The following ADGRB3 variants were observed in gnomAD, a reference collection of about 807,000 sequenced individuals.
ADGRB3 encodes brain-specific angiogenesis inhibitor 3.
ADGRB3 carries 37 observed loss-of-function variants against 193.4 expected under a neutral mutation model. That is an observed-to-expected ratio of 0.19 (90% CI 0.15 to 0.25). The LOEUF (loss-of-function observed/expected upper bound fraction) is 0.25, where lower values mean the gene tolerates loss of function less well. Among genes scored for constraint, ADGRB3 ranks in the 10% least tolerant of loss-of-function variants. ADGRB3 has a pLI of 1.00. For synonymous variants in ADGRB3, 690 were observed against 644.2 expected (o/e 1.07, Z -1.08); for missense variants, 1,637 against 1,852.9 (o/e 0.88, Z 2.14).
intron 3 of ADGRB3, among the ~76,000 whole-genome samples, chr6:68,796,244 CTG>C (rs1184613421): frequency 5.3e-5 from 8 of 151,996 alleles, no homozygotes; most frequent in Non-Finnish European, 5.9e-5. Context: ...GTATTCCATT[CTG>C]TGTTTTACCA....
intron 17 of ADGRB3, among the ~76,000 whole-genome samples, chr6:69,177,015 T>G (rs1329385683): frequency 6.6e-6 from 1 of 152,218 alleles, no homozygotes; most frequent in African/African-American, 2.4e-5. Context: ...TTAGATATTC[T>G]CTCTTTCTTT....
chr6:69,246,819 G>A (rs1766507829), intron 20 of ADGRB3, among the ~76,000 whole-genome samples: 1 of 152,178 alleles, frequency 6.6e-6, no homozygotes, highest in African/African-American at 2.4e-5. Flanking sequence ...CAACTTCAAA[G>A]CCGATCAAAA....
chr6:68,741,418 C>T (rs996323687), intron 3 of ADGRB3, among the ~76,000 whole-genome samples: 1 of 151,988 alleles, frequency 6.6e-6, no homozygotes, highest in Non-Finnish European at 1.5e-5. Flanking sequence ...GGCTCTGTTG[C>T]CCAGGCTGGA....
Position 69,382,912 on chromosome 6 carries a change from G to T in ADGRB3, c.4357G>T (p.Asp1453Tyr). The part of the protein sequence containing the change: ...QKFQTLDRFR[D>Y]IPNTSSMENP... ...ATTTCAAACTTTGGACAGATTTCGG[G>T]ATATACCAAATACAAGCAGTATGGT... Residue 1453 changes from aspartate (D) to tyrosine (Y), a missense_variant, in exon 31 of 32, where the codon GAT becomes TAT. By Grantham distance (160) the Asp-to-Tyr change is radical (BLOSUM62 -3). This residue lies in a region of ADGRB3 where 368 missense variants were observed against 367.4 expected (regional missense o/e 1.00). Coordinates refer to ENST00000370598, the MANE Select transcript of ADGRB3 (RefSeq NM_001704.3). The T allele has an allele frequency of 6.2e-7, 1 of 1,606,662 alleles. No individual in the cohort carries two copies. The highest frequency in any genetic ancestry group is 8.5e-7 in the Non-Finnish European group (1 of 1,175,290).
chr6:68,836,550 G>A (rs1186150080), intron 3 of ADGRB3, among the ~76,000 whole-genome samples: 1 of 152,120 alleles, frequency 6.6e-6, no homozygotes, highest in Non-Finnish European at 1.5e-5. Context: ...TTCAAATGTG[G>A]TCAGTGCCCT....
chr6:68,993,749 G>A lies in ADGRB3; in HGVS notation c.1735-19G>A. On this transcript the variant is annotated intron_variant, in intron 10 of 31. Coordinates refer to ENST00000370598, the MANE Select transcript of ADGRB3 (RefSeq NM_001704.3). Reference sequence around the variant, plus strand: ...TAATGAAGATTCTGATGTTTGCTCTGTTCTTTTGACCATCACAGATTAAAG... The same window carrying A: ...TAATGAAGATTCTGATGTTTGCTCTATTCTTTTGACCATCACAGATTAAAG... The A allele has an allele frequency of 6.2e-7, 1 of 1,604,916 alleles. No individual in the cohort carries two copies. The highest frequency in any genetic ancestry group is 8.5e-7 in the Non-Finnish European group (1 of 1,174,258).
At chr6:69,204,414 G>A (rs1765493765) in intron 17 of ADGRB3, among the ~76,000 whole-genome samples, 1 of 152,098 alleles carries the variant, frequency 6.6e-6, no homozygotes, top group African/African-American at 2.4e-5. Flanking sequence ...TGGCAATTGA[G>A]TGTCTTCAGT....
intron 3 of ADGRB3, among the ~76,000 whole-genome samples, chr6:68,843,747 G>A (rs1251438040): frequency 6.6e-6 from 1 of 151,898 alleles, no homozygotes; most frequent in Non-Finnish European, 1.5e-5. Context: ...AAAACTGGAG[G>A]AATCACATTA....
intron 17 of ADGRB3, among the ~76,000 whole-genome samples, chr6:69,117,358 T>C (rs1354148250): frequency 6.6e-6 from 1 of 152,194 alleles, no homozygotes; most frequent in East Asian, 1.9e-4. Flanking sequence ...AAAAGTATAA[T>C]CCACTGATAA....
chr6:68,954,077 C>T (rs1186992276), intron 6 of ADGRB3, among the ~76,000 whole-genome samples: 1 of 152,114 alleles, frequency 6.6e-6, no homozygotes, highest in East Asian at 1.9e-4. Context: ...TGGGATTGTG[C>T]CTTTGTCAAT....
chr6:69,242,068 A>C (rs1766395635), intron 20 of ADGRB3, among the ~76,000 whole-genome samples: 1 of 151,890 alleles, frequency 6.6e-6, no homozygotes, highest in African/African-American at 2.4e-5. Flanking sequence ...GTGTTTTATT[A>C]GTTGAATTAG....
intron 17 of ADGRB3, among the ~76,000 whole-genome samples, chr6:69,173,613 A>C (rs1775346254): frequency 6.6e-6 from 1 of 152,146 alleles, no homozygotes; most frequent in African/African-American, 2.4e-5. Flanking sequence ...GGGTAAATGG[A>C]AAGGATATTA....
intron 3 of ADGRB3, among the ~76,000 whole-genome samples, chr6:68,645,486 C>T (rs1223820461): frequency 6.6e-6 from 1 of 152,034 alleles, no homozygotes; most frequent in Non-Finnish European, 1.5e-5. Context: ...AAATGAGAAG[C>T]ATGATTTGGT....
intron 17 of ADGRB3, among the ~76,000 whole-genome samples, chr6:69,103,811 A>G (rs1258885965): frequency 1.3e-5 from 2 of 150,394 alleles, no homozygotes; most frequent in East Asian, 1.9e-4. Flanking sequence ...ATAAAGTCAC[A>G]TATATTAAGA....
At chr6:68,828,082 G>A (rs1009717792) in intron 3 of ADGRB3, among the ~76,000 whole-genome samples, 5 of 152,130 alleles carry the variant, frequency 3.3e-5, no homozygotes, top group East Asian at 1.9e-4. Context: ...GAGTAGCTAC[G>A]TGACATTCAT....
At chr6:69,073,512 A>G (rs996402551) in intron 16 of ADGRB3, among the ~76,000 whole-genome samples, 1 of 152,158 alleles carries the variant, frequency 6.6e-6, no homozygotes, top group Non-Finnish European at 1.5e-5. Flanking sequence ...GGGGATGAAA[A>G]TGAAACAGGG....
At chr6:68,863,562 CCAAT>C (rs532109534) in intron 3 of ADGRB3, among the ~76,000 whole-genome samples, 40 of 152,002 alleles carry the variant, frequency 2.6e-4, no homozygotes, top group Non-Finnish European at 4.4e-4. Context: ...TAAATGATAT[CCAAT>C]CAGTTTGCAA....
At chr6:68,831,107 G>A in intron 3 of ADGRB3, among the ~76,000 whole-genome samples, 1 of 152,006 alleles carries the variant, frequency 6.6e-6, no homozygotes. Context: ...TAATCTGTGT[G>A]AAAGATGACA....
rs573385001 is a variant in ADGRB3, at chr6:69,252,454, A to C, written c.2814+13228A>C. On this transcript the variant is annotated intron_variant, in intron 20 of 31. Coordinates refer to ENST00000370598, the MANE Select transcript of ADGRB3 (RefSeq NM_001704.3). The stretch of plus-strand genomic sequence containing the variant: ...ATTGTTGGGTATAAAGGCAGGTTAG[A>C]TTACTTTTAACTTAAAAGAAAAAAT... Among the ~76,000 whole-genome samples, 3 of 152,228 alleles carry C rather than the reference A, an allele frequency of 2.0e-5. No individual in the cohort carries two copies. In the East Asian group the frequency reaches 5.8e-4, roughly 29 times the overall value.
Sources: allele counts gnomAD v4.1 joint callset (sites outside exome capture counted in the v4.1 genomes callset), GRCh38; gene constraint gnomAD v4.1.1; regional missense constraint gnomAD v4.1.1; transcripts MANE v1.5; gene names NCBI Gene and HGNC (gene_info 2026-07-23, HGNC 2026-07-21).